Variants in PRKN observed in about 807,000 individuals in gnomAD.
The protein encoded by PRKN is parkin RBR E3 ubiquitin protein ligase.
A neutral mutation model predicts 59.5 loss-of-function variants in PRKN; 56 were observed. That is an observed-to-expected ratio of 0.94 (90% CI 0.76 to 1.18). The LOEUF is 1.18. PRKN is among the 50% of genes most tolerant of loss of function. The pLI is 0.00. For synonymous variants in PRKN, 250 were observed against 222.1 expected (o/e 1.13, Z -1.12); for missense variants, 657 against 596.4 (o/e 1.10, Z -1.06).
At chr6:162,598,110 C>T (rs907787154) in intron 1 of PRKN, among the ~76,000 whole-genome samples, 3 of 152,044 alleles carry the variant, frequency 2.0e-5, no homozygotes, top group African/African-American at 4.8e-5. Flanking sequence ...ATCTGTGTTG[C>T]CAAAGGAAGT....
At chr6:162,026,010 C>T (rs1350056845) in intron 5 of PRKN, among the ~76,000 whole-genome samples, 1 of 152,146 alleles carries the variant, frequency 6.6e-6, no homozygotes, top group Non-Finnish European at 1.5e-5. Flanking sequence ...ACAATCCTTT[C>T]TTAGCAGAAC....
intron 4 of PRKN, among the ~76,000 whole-genome samples, chr6:162,087,657 G>A (rs377367571): frequency 5.6e-5 from 8 of 143,512 alleles, no homozygotes; most frequent in East Asian, 2.1e-4. Flanking sequence ...GCAGTGGCGC[G>A]ATCTCGGCTC....
intron 2 of PRKN, among the ~76,000 whole-genome samples, chr6:162,409,377 AAGCTTCT>A (rs986604525): frequency 6.6e-6 from 1 of 151,716 alleles, no homozygotes; most frequent in Non-Finnish European, 1.5e-5. Context: ...GGCTGGTCTC[AAGCTTCT>A]GGCTTAAAGT....
chr6:162,338,857 GC>G (rs1277512308), intron 2 of PRKN, among the ~76,000 whole-genome samples: 3 of 150,798 alleles, frequency 2.0e-5, no homozygotes, highest in Non-Finnish European at 1.5e-5. Flanking sequence ...GAGCGTCTCT[GC>G]CCGGCCGCCC....
chr6:162,108,271 C>G (rs1216661306), intron 4 of PRKN, among the ~76,000 whole-genome samples: 2 of 152,128 alleles, frequency 1.3e-5, no homozygotes, highest in African/African-American at 4.8e-5. Context: ...CCCTTTACAG[C>G]CCTTTGAATC....
intron 11 of PRKN, among the ~76,000 whole-genome samples, chr6:161,358,334 G>A (rs1336149689): frequency 4.0e-5 from 6 of 150,536 alleles, no homozygotes; most frequent in Non-Finnish European, 1.5e-5. Flanking sequence ...TTAAGGCCGG[G>A]CACAGTGGCT....
Position 161,428,092 on chromosome 6 carries a change from A to G in PRKN, c.1084-41215T>C, listed in dbSNP as rs1287457357. On this transcript the variant is annotated intron_variant, in intron 9 of 11. Coordinates refer to ENST00000366898, the MANE Select transcript of PRKN (RefSeq NM_004562.3). The surrounding 1 kb of genome is among the most constrained non-coding windows in gnomAD (Gnocchi z 4.0). ...CGGCATTTGGACACAGCTCACACGC[A>G]TGAGTGATGCTCTTCCACCTGCATC... is the stretch of plus-strand genomic sequence containing the variant. Among the ~76,000 whole-genome samples, 1 of 152,168 alleles carries G rather than the reference A, an allele frequency of 6.6e-6. No individual in the cohort carries two copies. Among genetic ancestry groups the G allele is most frequent in the Non-Finnish European group, 1.5e-5 (1 of 68,026 alleles).
intron 4 of PRKN, among the ~76,000 whole-genome samples, chr6:162,124,410 T>C (rs1451310392): frequency 6.6e-6 from 1 of 152,078 alleles, no homozygotes; most frequent in Non-Finnish European, 1.5e-5. Context: ...ATCAGTGAGG[T>C]TGGGAGTTCA....
intron 2 of PRKN, among the ~76,000 whole-genome samples, chr6:162,438,225 C>A: frequency 6.6e-6 from 1 of 152,148 alleles, no homozygotes; most frequent in East Asian, 1.9e-4. Context: ...CCTTTCCTTG[C>A]ATCTGTGTTT....
At chr6:162,265,985 C>T (rs1408252030) in intron 2 of PRKN, among the ~76,000 whole-genome samples, 1 of 152,160 alleles carries the variant, frequency 6.6e-6, no homozygotes, top group East Asian at 1.9e-4. Context: ...AGGCAGCACT[C>T]CTCCAGCTGT....
intron 7 of PRKN, among the ~76,000 whole-genome samples, chr6:161,740,693 G>A (rs1276331539): frequency 1.3e-5 from 2 of 152,254 alleles, no homozygotes. Context: ...CCATAGACAG[G>A]TGTGGAACAG....
At chr6:161,994,125 A>G (rs1781751887) in intron 5 of PRKN, among the ~76,000 whole-genome samples, 1 of 152,140 alleles carries the variant, frequency 6.6e-6, no homozygotes, top group Non-Finnish European at 1.5e-5. Context: ...ACAAAATAGC[A>G]TATCATGATC....
At chr6:162,077,462 T>C (rs1778873378) in intron 4 of PRKN, among the ~76,000 whole-genome samples, 1 of 152,082 alleles carries the variant, frequency 6.6e-6, no homozygotes. Flanking sequence ...CATGCACGTT[T>C]GCCACTTTAT....
In PRKN at chr6:161,428,326, C is replaced by G. The variant is rs968549366; in HGVS notation, c.1084-41449G>C. Among the ~76,000 whole-genome samples, 2 of 152,174 alleles carry G rather than the reference C, an allele frequency of 1.3e-5. No homozygotes were observed. Among genetic ancestry groups the G allele is most frequent in the African/African-American group, 4.8e-5 (2 of 41,438 alleles). On this transcript the variant is annotated intron_variant, in intron 9 of 11. Transcript: ENST00000366898. This position sits in a 1 kb window ranked among gnomAD's most constrained non-coding sequence, Gnocchi z 4.0. ...TGAGGAAGGTATAAGGTGTCAGATT[C>G]CTGCTGGGACTGGCAGAGAGGGGCA...
chr6:161,519,471 C>T (rs756705097), intron 9 of PRKN, among the ~76,000 whole-genome samples: 76 of 152,060 alleles, frequency 5.0e-4, no homozygotes, highest in Admixed American at 2.6e-4. Context: ...CCCTCCAAAG[C>T]GTGGAGAGCT....
rs1235909506 is a variant in PRKN at position 161,662,172 on chromosome 6, CA to C, written c.872-92757del. On this transcript the variant is annotated intron_variant, in intron 7 of 11. Coordinates refer to ENST00000366898, the MANE Select transcript of PRKN (RefSeq NM_004562.3). Reference sequence around the variant, plus strand: ...CAAAAAAAATTCTTCAGTAAGCCATCAGGGGTGGAATAAAAAGCTTTAAAAA... The same window carrying C: ...CAAAAAAAATTCTTCAGTAAGCCATCGGGGTGGAATAAAAAGCTTTAAAAA... Among the ~76,000 whole-genome samples the C allele has an allele frequency of 3.9e-5, 6 of 152,192 alleles. 1 individual carries two copies. In the South Asian group the frequency reaches 6.2e-4, roughly 16 times the overall value.
intron 5 of PRKN, among the ~76,000 whole-genome samples, chr6:162,031,198 C>T (rs905900255): frequency 1.8e-4 from 27 of 151,670 alleles, no homozygotes; most frequent in African/African-American, 6.5e-4. Context: ...GGTGAGAAAG[C>T]CTTTGGCTTC....
At position 161,680,756 on chromosome 6, in the gene PRKN, TATATATATATATATA is replaced by T. The variant is rs1375753722; in HGVS notation, c.871+105001_871+105015del. Among the ~76,000 whole-genome samples the T allele has an allele frequency of 5.5e-3, 110 of 19,994 alleles. 3 individuals carry two copies. Among genetic ancestry groups the T allele is most frequent in the African/African-American group, 0.014 (103 of 7,160 alleles). The allele number at this position is 19,994 out of a possible 152,430, so 13.1% of individuals were successfully genotyped here. On this transcript the variant is annotated intron_variant, in intron 7 of 11. Coordinates refer to ENST00000366898, the MANE Select transcript of PRKN (RefSeq NM_004562.3). The stretch of plus-strand genomic sequence containing the variant: ...ATATATATATATATATATATATATA[TATATATATATATATA>T]TATATTTTTTTTTTTTTTTCTTTTC...
At chr6:162,114,798 C>A (rs1258228315) in intron 4 of PRKN, among the ~76,000 whole-genome samples, 2 of 151,886 alleles carry the variant, frequency 1.3e-5, no homozygotes, top group Non-Finnish European at 2.9e-5. Flanking sequence ...CAATGAGATA[C>A]CATCTCACAC....
Sources: gnomAD v4.1 joint callset for allele counts (sites outside exome capture counted in the v4.1 genomes callset) on GRCh38, gnomAD v4.1.1 for gene constraint, Gnocchi (gnomAD v3.1) non-coding constraint, MANE v1.5 for transcripts, NCBI Gene and HGNC (gene_info 2026-07-23, HGNC 2026-07-21) for gene names.